Variants in MAP4K3 observed in about 807,000 individuals in gnomAD.
MAP4K3 encodes MAPK/ERK kinase kinase kinase 3.
A neutral mutation model predicts 143.5 loss-of-function variants in MAP4K3; 94 were observed. The ratio of observed to expected loss-of-function variants is 0.65; its 90% CI spans 0.55 to 0.78. The LOEUF (loss-of-function observed/expected upper bound fraction) is 0.78. Ranked by LOEUF, MAP4K3 falls within the 30% of genes least tolerant of loss-of-function variation. The probability of loss-of-function intolerance (pLI) is 0.00; values close to 1 mark genes in which losing one functional copy is unlikely to be tolerated. For synonymous variants in MAP4K3, 416 were observed against 347.2 expected (o/e 1.20, Z -2.20); for missense variants, 1,077 against 1,068.1 (o/e 1.01, Z -0.12).
chr2:39,422,225 C>G (rs1484490262), intron 1 of MAP4K3, among the ~76,000 whole-genome samples: 4 of 151,992 alleles, frequency 2.6e-5, no homozygotes, highest in African/African-American at 7.2e-5. Flanking sequence ...ACCATTTCCT[C>G]CTGCCTTCTC....
intron 1 of MAP4K3, among the ~76,000 whole-genome samples, chr2:39,385,817 A>G (rs1573226355): frequency 1.3e-5 from 2 of 151,940 alleles, no homozygotes; most frequent in Non-Finnish European, 2.9e-5. Flanking sequence ...TTTTTAGTAG[A>G]GATGAGGTTT....
intron 1 of MAP4K3, among the ~76,000 whole-genome samples, chr2:39,420,148 A>G (rs1667506313): frequency 6.6e-6 from 1 of 152,234 alleles, no homozygotes; most frequent in African/African-American, 2.4e-5. Context: ...GAATCCAAAA[A>G]GGGCTTTTAA....
intron 1 of MAP4K3, among the ~76,000 whole-genome samples, chr2:39,382,368 G>A (rs1271746685): frequency 6.6e-6 from 1 of 152,172 alleles, no homozygotes; most frequent in Non-Finnish European, 1.5e-5. Flanking sequence ...TTACTATGTA[G>A]AAGGGCATGT....
chr2:39,339,821 C>G (rs1056096436), intron 4 of MAP4K3, among the ~76,000 whole-genome samples: 3 of 151,794 alleles, frequency 2.0e-5, no homozygotes, highest in East Asian at 1.9e-4. Context: ...AACAACAACC[C>G]AAAAAACAAA....
chr2:39,409,325 T>C (rs758685276), intron 1 of MAP4K3, among the ~76,000 whole-genome samples: 7 of 152,232 alleles, frequency 4.6e-5, no homozygotes, highest in African/African-American at 7.2e-5. Context: ...TGGTTAAGCT[T>C]TGGGGAAGTC....
chr2:39,432,475 G>T (rs1410634079), intron 1 of MAP4K3, among the ~76,000 whole-genome samples: 5 of 152,106 alleles, frequency 3.3e-5, no homozygotes, highest in Admixed American at 3.3e-4. Flanking sequence ...ATTTCTTCTG[G>T]TCTCTCTAGA....
intron 1 of MAP4K3, among the ~76,000 whole-genome samples, chr2:39,384,554 C>T (rs974431058): frequency 6.6e-6 from 1 of 152,058 alleles, no homozygotes; most frequent in Non-Finnish European, 1.5e-5. Flanking sequence ...CTCAAAACAA[C>T]AACAGCAACA....
intron 16 of MAP4K3, 146 bp from the exon 17 acceptor site, chr2:39,293,414 C>G: frequency 1.7e-6 from 1 of 586,280 alleles, no homozygotes; most frequent in Non-Finnish European, 3.0e-6. Context: ...GTGATCACCT[C>G]TGCAACCATA....
intron 1 of MAP4K3, among the ~76,000 whole-genome samples, chr2:39,392,488 T>C (rs945763504): frequency 3.9e-5 from 6 of 152,182 alleles, no homozygotes; most frequent in African/African-American, 1.4e-4. Flanking sequence ...TACTAAATCA[T>C]ATTTTTAGCC....
intron 8 of MAP4K3, among the ~76,000 whole-genome samples, chr2:39,329,042 C>T (rs545473626): frequency 6.6e-6 from 1 of 152,280 alleles, no homozygotes; most frequent in South Asian, 2.1e-4. Flanking sequence ...AAGACAGATA[C>T]AGGGAGAGTG....
intron 1 of MAP4K3, among the ~76,000 whole-genome samples, chr2:39,426,850 T>C (rs1665103703): frequency 6.6e-6 from 1 of 151,934 alleles, no homozygotes; most frequent in Non-Finnish European, 1.5e-5. Context: ...TGGAGAACTA[T>C]AACAAAGTTA....
intron 1 of MAP4K3, among the ~76,000 whole-genome samples, chr2:39,390,744 T>G (rs1206278862): frequency 6.8e-6 from 1 of 146,306 alleles, no homozygotes; most frequent in East Asian, 2.0e-4. Flanking sequence ...TAACAACATA[T>G]AAGTAGAGCA....
chr2:39,351,694 A>G (rs1665463665), intron 3 of MAP4K3, among the ~76,000 whole-genome samples: 1 of 152,208 alleles, frequency 6.6e-6, no homozygotes, highest in African/African-American at 2.4e-5. Flanking sequence ...TTTGAGACAG[A>G]GTCTCGCTCT....
At chr2:39,337,393 A>C in intron 5 of MAP4K3, 133 bp downstream of exon 5, 1 of 556,352 alleles carries the variant, frequency 1.8e-6, no homozygotes, top group Non-Finnish European at 3.2e-6. Context: ...ACAATTTTCA[A>C]ATGTATTAAA....
rs112492138 is a variant in MAP4K3, at chr2:39,370,444, C to A, written c.154+7622G>T. On this transcript the variant is annotated intron_variant, in intron 2 of 33. Transcript: ENST00000263881. ...AAATCATATCCCCAATGTTTCGCCA[C>A]TCTATGATGAAAGATAAGGAGGCAG... Among the ~76,000 whole-genome samples the A allele has an allele frequency of 3.0e-3, 456 of 152,246 alleles. 3 individuals carry two copies. The highest frequency in any genetic ancestry group is 3.4e-3 in the Non-Finnish European group (231 of 68,024).
chr2:39,377,707 C>T (rs1666256360), intron 2 of MAP4K3, among the ~76,000 whole-genome samples: 1 of 152,138 alleles, frequency 6.6e-6, no homozygotes, highest in South Asian at 2.1e-4. Context: ...TGAACTACAA[C>T]TACCTAAATT....
At chr2:39,292,888 T>C in intron 17 of MAP4K3, 62 bp from the exon 18 acceptor site, 1 of 1,380,218 alleles carries the variant, frequency 7.2e-7, no homozygotes, top group Non-Finnish European at 1.0e-6. Context: ...TAAGAAGAAA[T>C]TTTAGAAAAT....
chr2:39,280,173 C>T (rs570052626), intron 23 of MAP4K3, 99 bp downstream of exon 23: 8 of 664,762 alleles, frequency 1.2e-5, no homozygotes, highest in Admixed American at 3.0e-5. Context: ...ACTTTTTTTC[C>T]CCAGAAAGAT....
chr2:39,372,122 T>C (rs948711062), intron 2 of MAP4K3, among the ~76,000 whole-genome samples: 6 of 151,618 alleles, frequency 4.0e-5, no homozygotes, highest in African/African-American at 9.7e-5. Flanking sequence ...AAAAGTAGTA[T>C]CATTTTTGTA....
Sources: allele counts gnomAD v4.1 joint callset (sites outside exome capture counted in the v4.1 genomes callset), GRCh38; gene constraint gnomAD v4.1.1; transcripts MANE v1.5; gene names NCBI Gene and HGNC (gene_info 2026-07-23, HGNC 2026-07-21).